Variants in RIC1 observed in about 807,000 individuals in gnomAD.
RIC1 encodes the protein guanine nucleotide exchange factor subunit RIC1.
Under a neutral mutation model 169.0 loss-of-function variants are expected in RIC1, and 88 were observed. That is an observed-to-expected ratio of 0.52 (90% confidence interval 0.44 to 0.62). The LOEUF is 0.62. RIC1 is among the 20% of genes least tolerant of loss of function. The probability of loss-of-function intolerance (pLI) is 0.00; values close to 1 mark genes in which losing one functional copy is unlikely to be tolerated. For synonymous variants in RIC1, 790 were observed against 601.5 expected, an observed-to-expected ratio of 1.31 and a Z score of -4.59; for missense variants, 1,877 against 1,725.5, an observed-to-expected ratio of 1.09 and a Z score of -1.56.
At chr9:5,726,513 C>A (rs1227483785) in intron 6 of RIC1, among the ~76,000 whole-genome samples, 1 of 152,136 alleles carries the variant, frequency 6.6e-6, no homozygotes, top group Non-Finnish European at 1.5e-5. Flanking sequence ...ATCCAATTTG[C>A]CAGTCTGTGT....
intron 10 of RIC1, among the ~76,000 whole-genome samples, chr9:5,744,046 T>TA (rs74739377): frequency 0.31 from 47,311 of 151,990 alleles, 8,218 homozygotes; most frequent in East Asian, 0.59. Context: ...GTTGATCTGA[T>TA]AAAATCACAA....
At chr9:5,747,618 C>G in intron 12 of RIC1, 113 bp downstream of exon 12, 4 of 905,594 alleles carry the variant, frequency 4.4e-6, no homozygotes, top group Non-Finnish European at 6.9e-6. Context: ...TCCTTTTAAC[C>G]ATTTTGTCAT....
At chr9:5,754,694 G>A in intron 14 of RIC1, 147 bp from the exon 15 acceptor site, 4 of 448,212 alleles carry the variant, frequency 8.9e-6, no homozygotes, top group Non-Finnish European at 1.2e-5. Flanking sequence ...TCGAGCCACT[G>A]CACTCCAGCA....
chr9:5,733,555 G>A (rs1304143089), intron 7 of RIC1, among the ~76,000 whole-genome samples: 1 of 152,016 alleles, frequency 6.6e-6, no homozygotes, highest in African/African-American at 2.4e-5. Flanking sequence ...GAGCCACCGT[G>A]CCCGGCCAGA....
intron 1 of RIC1, among the ~76,000 whole-genome samples, chr9:5,639,369 G>A (rs1818126423): frequency 6.6e-6 from 1 of 152,146 alleles, no homozygotes; most frequent in South Asian, 2.1e-4. Context: ...TGGTCATTCA[G>A]GAACATATTG....
intron 2 of RIC1, among the ~76,000 whole-genome samples, chr9:5,670,083 ATACC>A (rs1211784634): frequency 6.6e-6 from 1 of 152,166 alleles, no homozygotes; most frequent in African/African-American, 2.4e-5. Flanking sequence ...GTTAGTATGG[ATACC>A]TGTGCATCTC....
intron 2 of RIC1, among the ~76,000 whole-genome samples, chr9:5,688,041 C>G (rs918243880): frequency 1.3e-5 from 2 of 152,086 alleles, no homozygotes; most frequent in African/African-American, 2.4e-5. Context: ...ATTTCTGTTT[C>G]TAGAGTTTTG....
chr9:5,644,531 C>G (rs114733358), intron 1 of RIC1, among the ~76,000 whole-genome samples: 4 of 152,160 alleles, frequency 2.6e-5, no homozygotes, highest in African/African-American at 9.7e-5. Context: ...TATCCTTTAT[C>G]CCCTTCTCAT....
At position 5,686,701 on chromosome 9, in the gene RIC1, G is replaced by A. The variant is rs192555753; in HGVS notation, c.253-3258G>A. ...TAGATGACGAGTTAGTGGGTGCAGC[G>A]CACCAGTATGGCACATGTATACATA... On this transcript the variant is annotated intron_variant, in intron 2 of 25. Transcript: ENST00000414202. 1.7e-4 allele frequency among the ~76,000 whole-genome samples: 26 copies of A among 151,840 alleles called. No homozygotes were observed. The South Asian group carries it at 1.9e-3, about 11-fold the overall frequency.
At chr9:5,729,671 T>C (rs1408428984) in intron 6 of RIC1, among the ~76,000 whole-genome samples, 1 of 152,174 alleles carries the variant, frequency 6.6e-6, no homozygotes, top group Non-Finnish European at 1.5e-5. Flanking sequence ...AATTTAAGTT[T>C]TTAATGGCCT....
intron 11 of RIC1, 106 bp downstream of exon 11, chr9:5,746,189 C>T (rs1335173546): frequency 1.4e-6 from 1 of 710,018 alleles, no homozygotes; most frequent in South Asian, 4.1e-5. Flanking sequence ...GGCATATTAT[C>T]TTCTTTTCTA....
chr9:5,714,460 C>G (rs1157093028), intron 4 of RIC1, among the ~76,000 whole-genome samples: 1 of 152,024 alleles, frequency 6.6e-6, no homozygotes, highest in Non-Finnish European at 1.5e-5. Context: ...ACCAGAATAC[C>G]AAAAATCTAT....
chr9:5,697,182 T>G (rs753923350), intron 3 of RIC1, among the ~76,000 whole-genome samples: 30 of 152,250 alleles, frequency 2.0e-4, no homozygotes, highest in Non-Finnish European at 4.0e-4. Flanking sequence ...GGTGCTCTGC[T>G]TCACAAATAG....
rs568136561 is a variant in RIC1 at position 5,656,245 on chromosome 9, C to G, written c.145-338C>G. Among the ~76,000 whole-genome samples, 56 of 152,256 alleles carry G rather than the reference C, an allele frequency of 3.7e-4. 1 individual carries two copies. Among genetic ancestry groups the G allele is most frequent in the African/African-American group, 9.2e-4 (38 of 41,530 alleles). Reference sequence around the variant, plus strand: ...ATGCTGGACTCAAAATTAGGAAGTACTCCTGCTTCTATCTTGTGGAAGGCT... The same window carrying G: ...ATGCTGGACTCAAAATTAGGAAGTAGTCCTGCTTCTATCTTGTGGAAGGCT... On this transcript the variant is annotated intron_variant, in intron 1 of 25. Transcript: ENST00000414202.
intron 16 of RIC1, 141 bp from the exon 17 acceptor site, chr9:5,757,164 TGATCGAAG>T: frequency 1.1e-6 from 1 of 897,746 alleles, no homozygotes; most frequent in Non-Finnish European, 1.7e-6. Context: ...GCCAACTTCC[TGATCGAAG>T]GATATATGGG....
chr9:5,765,836 T>C, intron 21 of RIC1, 38 bp downstream of exon 21: 1 of 1,607,462 alleles, frequency 6.2e-7, no homozygotes. Context: ...TTTTGGGCAT[T>C]CATGACACAT....
chr9:5,749,522 C>A (rs921631505), intron 12 of RIC1, among the ~76,000 whole-genome samples: 1 of 152,030 alleles, frequency 6.6e-6, no homozygotes, highest in African/African-American at 2.4e-5. Context: ...ATTTTGTTTG[C>A]GTGATTTATT....
chr9:5,656,558 C>CTT (rs74333480), intron 1 of RIC1, 25 bp from the exon 2 acceptor site: 921 of 954,928 alleles, frequency 9.6e-4, no homozygotes, highest in South Asian at 2.0e-3. Context: ...AAAAATACAA[C>CTT]TTTTTTTTTT....
intron 1 of RIC1, 113 bp from the exon 2 acceptor site, chr9:5,656,470 C>G (rs1563873653): frequency 1.9e-6 from 1 of 520,778 alleles, no homozygotes; most frequent in Non-Finnish European, 3.3e-6. Flanking sequence ...TCAATATTGT[C>G]TTTTATTTTA....
Sources: allele counts gnomAD v4.1 joint callset (sites outside exome capture counted in the v4.1 genomes callset), GRCh38; gene constraint gnomAD v4.1.1; transcripts MANE v1.5; gene names NCBI Gene and HGNC (gene_info 2026-07-23, HGNC 2026-07-21).